MACROD2: variants seen among roughly 807,000 people sequenced by gnomAD.
The protein encoded by MACROD2 is mono-ADP ribosylhydrolase 2.
Under a neutral mutation model 70.4 loss-of-function variants are expected in MACROD2, and 36 were observed. The ratio of observed to expected loss-of-function variants is 0.51; its 90% CI spans 0.39 to 0.68. MACROD2 has a LOEUF of 0.68. Among genes scored for constraint, MACROD2 ranks in the 30% least tolerant of loss-of-function variants. The probability of loss-of-function intolerance (pLI) is 0.00; values close to 1 mark genes in which losing one functional copy is unlikely to be tolerated. For missense variants in MACROD2, 496 were observed against 538.4 expected, an observed-to-expected ratio of 0.92 and a Z score of 0.78; for synonymous variants, 172 against 178.8, an observed-to-expected ratio of 0.96 and a Z score of 0.30.
intron 1 of MACROD2, among the ~76,000 whole-genome samples, chr20:13,998,954 CAAAAA>C (rs11476537): frequency 2.0e-5 from 2 of 99,542 alleles, no homozygotes; most frequent in African/African-American, 8.2e-5. Flanking sequence ...GACTCCGTCT[CAAAAA>C]AAAAAAAAAA....
intron 5 of MACROD2, among the ~76,000 whole-genome samples, chr20:14,718,884 CAAA>C (rs971584791): frequency 6.6e-6 from 1 of 152,146 alleles, no homozygotes; most frequent in African/African-American, 2.4e-5. Flanking sequence ...CAAATATAAA[CAAA>C]GAAGAAAAGG....
chr20:14,146,197 A>T (rs1170020878), intron 3 of MACROD2, among the ~76,000 whole-genome samples: 2 of 152,136 alleles, frequency 1.3e-5, no homozygotes, highest in African/African-American at 4.8e-5. Context: ...TGGCGCCTGT[A>T]GTCCCAGCTA....
chr20:14,564,806 A>G (rs912595459), intron 4 of MACROD2, among the ~76,000 whole-genome samples: 6 of 151,974 alleles, frequency 3.9e-5, no homozygotes, highest in Non-Finnish European at 8.8e-5. Flanking sequence ...AAATAGAACT[A>G]TCATACTATC....
rs2071734671 is a variant in MACROD2, at chr20:14,741,734, G to T, written c.418+56775G>T. ...ATGATGCTTATAAGGGAATTATTTG[G>T]CAAAGAAATATTTTCTTTTTAAGAA... On this transcript the variant is annotated intron_variant, in intron 5 of 17. Transcript: ENST00000684519. 1.3e-5 allele frequency among the ~76,000 whole-genome samples: 2 copies of T among 151,852 alleles called. 1 individual carries two copies. The highest frequency in any genetic ancestry group is 4.1e-4 in the South Asian group (2 of 4,822).
intron 7 of MACROD2, among the ~76,000 whole-genome samples, chr20:15,472,667 CT>C: frequency 6.6e-6 from 1 of 152,194 alleles, no homozygotes; most frequent in East Asian, 1.9e-4. Context: ...TATTTCCCAC[CT>C]TTTCCCCTCT....
Position 14,534,781 on chromosome 20 carries a change from ATTG to A in MACROD2, c.301+41278_301+41280del, listed in dbSNP as rs1302157979. Among the ~76,000 whole-genome samples, 7 of 152,112 alleles carry A rather than the reference ATTG, an allele frequency of 4.6e-5. No individual in the cohort carries two copies. In the East Asian group the frequency reaches 1.2e-3, roughly 25 times the overall value. On this transcript the variant is annotated intron_variant, in intron 4 of 17. Transcript: ENST00000684519. ...GTTACTAAAGAGAACTATGAAATAT[ATTG>A]TTGTCCTTGGAGACAGAGTCTAAAA...
chr20:15,252,431 T>A (rs1601303092), intron 6 of MACROD2, among the ~76,000 whole-genome samples: 2 of 152,266 alleles, frequency 1.3e-5, no homozygotes, highest in South Asian at 4.1e-4. Flanking sequence ...CCACTACACA[T>A]CACCTTCACT....
At chr20:14,721,786 A>C (rs186294520) in intron 5 of MACROD2, among the ~76,000 whole-genome samples, 13 of 152,326 alleles carry the variant, frequency 8.5e-5, no homozygotes, top group Non-Finnish European at 1.5e-4. Flanking sequence ...CTCATGAATC[A>C]TTATGCTACC....
intron 8 of MACROD2, among the ~76,000 whole-genome samples, chr20:15,602,943 A>T (rs1432674274): frequency 2.0e-4 from 7 of 35,702 alleles, no homozygotes; most frequent in Non-Finnish European, 3.2e-4. Context: ...CATTTTCTTA[A>T]AAAAAAAAAT....
intron 9 of MACROD2, among the ~76,000 whole-genome samples, chr20:15,872,599 G>A (rs895506176): frequency 6.6e-6 from 1 of 152,072 alleles, no homozygotes; most frequent in African/African-American, 2.4e-5. Context: ...TAATATAAAT[G>A]AAAGTTCACT....
At chr20:14,098,395 G>T (rs1323028226) in intron 3 of MACROD2, among the ~76,000 whole-genome samples, 1 of 152,150 alleles carries the variant, frequency 6.6e-6, no homozygotes, top group African/African-American at 2.4e-5. Flanking sequence ...CCAAGGAAAA[G>T]AATGGTTTTA....
At position 15,967,418 on chromosome 20, in the gene MACROD2, A is replaced by G. The variant is rs74940400; in HGVS notation, c.908-135A>G. The G allele has an allele frequency of 2.3e-3, 1,503 of 642,210 alleles. 21 individuals are homozygous for G. In the African/African-American group the frequency reaches 0.024, roughly 10 times the overall value. The allele number at this position is 642,210 out of a possible 1,614,324, so 39.8% of individuals were successfully genotyped here. A position where few individuals can be genotyped will look rare whatever the true frequency, so the allele number is the denominator to read the frequency against. ...AAAGCGCCTATTTATTGGCAAACAT[A>G]TGTATTTGAGTGGTTATTTTTAAAA... On this transcript the variant is annotated intron_variant, in intron 12 of 17. Transcript: ENST00000684519.
intron 6 of MACROD2, among the ~76,000 whole-genome samples, chr20:15,349,441 A>G (rs2078202726): frequency 6.6e-6 from 1 of 152,108 alleles, no homozygotes; most frequent in African/African-American, 2.4e-5. Flanking sequence ...TTCTAGCAAT[A>G]TCTTTCTTGG....
At chr20:15,412,336 C>T (rs1185241964) in intron 6 of MACROD2, among the ~76,000 whole-genome samples, 4 of 151,870 alleles carry the variant, frequency 2.6e-5, no homozygotes, top group African/African-American at 4.8e-5. Context: ...GATCAAGAAG[C>T]GAAGAATTTC....
intron 4 of MACROD2, among the ~76,000 whole-genome samples, chr20:14,546,044 A>G (rs912375133): frequency 2.6e-5 from 4 of 152,168 alleles, no homozygotes; most frequent in African/African-American, 4.8e-5. Context: ...ATTTTGATGA[A>G]TGGGAACAAA....
chr20:14,616,482 T>C (rs1226978151), intron 4 of MACROD2, among the ~76,000 whole-genome samples: 1 of 152,152 alleles, frequency 6.6e-6, no homozygotes, highest in Non-Finnish European at 1.5e-5. Context: ...TGAATAATAT[T>C]ATTTTGAGCA....
intron 4 of MACROD2, among the ~76,000 whole-genome samples, chr20:14,676,424 G>A (rs541803835): frequency 6.6e-4 from 101 of 152,200 alleles, no homozygotes; most frequent in Middle Eastern, 6.8e-3. Context: ...ACTCAAAACC[G>A]CACAACTACA....
At chr20:15,712,696 G>C (rs2069689945) in intron 8 of MACROD2, among the ~76,000 whole-genome samples, 1 of 152,146 alleles carries the variant, frequency 6.6e-6, no homozygotes, top group Admixed American at 6.5e-5. Context: ...GTCCTGGCAG[G>C]CTGAGAGCTT....
At chr20:15,050,272 T>C (rs1333016777) in intron 5 of MACROD2, among the ~76,000 whole-genome samples, 1 of 152,168 alleles carries the variant, frequency 6.6e-6, no homozygotes, top group African/African-American at 2.4e-5. Context: ...GACTTTCATA[T>C]GGTACTGACT....
Sources: allele counts gnomAD v4.1 joint callset (sites outside exome capture counted in the v4.1 genomes callset), GRCh38; gene constraint gnomAD v4.1.1; transcripts MANE v1.5; gene names NCBI Gene and HGNC (gene_info 2026-07-23, HGNC 2026-07-21).